The following OR2B2 variants were observed in gnomAD, a reference collection of about 807,000 sequenced individuals.
OR2B2 encodes the protein olfactory receptor 2B2.
For synonymous variants in OR2B2, 137 were observed against 150.9 expected (o/e 0.91, Z 0.67); for missense variants, 362 against 422.4 (o/e 0.86, Z 1.25).
In OR2B2 at chr6:27,911,562, C is replaced by T; in HGVS notation, c.758G>A (p.Gly253Asp). ...SHLIVVSLFY[G>D]TAISMYLQPP... The stretch of plus-strand genomic sequence containing the variant: ...TTGCAGGTACATGGAGATAGCTGTA[C>T]CATAAAAAAGTGACACCACAATTAG... Residue 253 changes from glycine to aspartate, a missense_variant, in exon 1 of 1, where the codon GGT becomes GAT. Coordinates refer to ENST00000303324, the MANE Select transcript of OR2B2 (RefSeq NM_033057.2). 2 of 1,613,854 alleles carry T rather than the reference C, an allele frequency of 1.2e-6. No homozygotes were observed. The highest frequency in any genetic ancestry group is 1.3e-5 in the African/African-American group (1 of 74,986).
At position 27,911,523 on chromosome 6, in the gene OR2B2, C is replaced by G; in HGVS notation, c.797G>C (p.Ser266Thr). 1 of 1,614,036 alleles carries G rather than the reference C, an allele frequency of 6.2e-7. No individual in the cohort carries two copies. The highest frequency in any genetic ancestry group is 8.5e-7 in the Non-Finnish European group (1 of 1,180,008). ...ISMYLQPPSP[S>T]SKDRGKMVSL... is the part of the protein sequence containing the mutation. ...AACCATCTTTCCCCGGTCTTTGGAG[C>G]TGGGTGAAGGTGGTTGCAGGTACAT... The change falls in exon 1 of 1, where the codon AGC (serine) becomes ACC (threonine). Residue 266 changes from serine to threonine, a missense_variant. Physicochemically the swap from Ser to Thr is moderately conservative, Grantham distance 58. Transcript: ENST00000303324.
At position 27,912,350 on chromosome 6, in the gene OR2B2, A is replaced by C; in HGVS notation, c.-31T>G. On this transcript the variant is annotated 5_prime_UTR_variant, in exon 1 of 1. Transcript: ENST00000303324. ...ATGGTTCAACTCTTCGTTCTCTGAA[A>C]TATAAGAAGTCAGGAAGTTAACAAC... The C allele has an allele frequency of 7.3e-7, 1 of 1,375,416 alleles. No individual in the cohort carries two copies. The highest frequency in any genetic ancestry group is 1.0e-6 in the Non-Finnish European group (1 of 1,003,350). The allele number at this position is 1,375,416 out of a possible 1,614,324, so 85.2% of individuals were successfully genotyped here.
In OR2B2 at chr6:27,912,254, C is replaced by A; in HGVS notation, c.66G>T (p.Trp22Cys). 1 of 1,613,790 alleles carries A rather than the reference C, an allele frequency of 6.2e-7. No homozygotes were observed. The highest frequency in any genetic ancestry group is 8.5e-7 in the Non-Finnish European group (1 of 1,179,850). ...ACATCACAAAGGGTGGAATCTCTAG[C>A]CATGGTTGATCTGAGAAAACTAACA... ...FILLVFSDQP[W>C]LEIPPFVMFL... Residue 22 changes from tryptophan to cysteine, a missense_variant, in exon 1 of 1, where the codon TGG (tryptophan) becomes TGT (cysteine). Coordinates refer to ENST00000303324, the MANE Select transcript of OR2B2 (RefSeq NM_033057.2).
In OR2B2 at chr6:27,911,771, A is replaced by G; in HGVS notation, c.549T>C (p.Ala183=). 1 of 1,613,988 alleles carries G rather than the reference A, an allele frequency of 6.2e-7. No homozygotes were observed. Among genetic ancestry groups the G allele is most frequent in the Non-Finnish European group, 8.5e-7 (1 of 1,179,918 alleles). ...EVDHFFCEVP[A]LLKLSCVDTT... is the part of the protein sequence containing the mutation. Reference sequence around the variant, plus strand: ...TGTCAACACAGGACAACTTGAGCAGAGCAGGGACTTCACAGAAGAAGTGAT... The same window carrying G: ...TGTCAACACAGGACAACTTGAGCAGGGCAGGGACTTCACAGAAGAAGTGAT... The change falls in exon 1 of 1, where the codon GCT becomes GCC. Residue 183 remains alanine (A), a synonymous_variant. Coordinates refer to ENST00000303324, the MANE Select transcript of OR2B2 (RefSeq NM_033057.2).
In OR2B2 at chr6:27,911,281, T is replaced by C. The variant is rs1762190696; in HGVS notation, c.1039A>G (p.Asn347Asp). 1 of 1,587,070 alleles carries C rather than the reference T, an allele frequency of 6.3e-7. No homozygotes were observed. Among genetic ancestry groups the C allele is most frequent in the African/African-American group, 1.4e-5 (1 of 73,236 alleles). The change falls in exon 1 of 1, where the codon AAC becomes GAC. Residue 347 changes from asparagine (N) to aspartate (D), a missense_variant. Coordinates refer to ENST00000303324, the MANE Select transcript of OR2B2 (RefSeq NM_033057.2). ...SCPIFVITIE[N>D]YCNLPQRKFP Reference sequence around the variant, plus strand: ...TTTCTTTGAGGGAGATTACAATAGTTTTCTATAGTAATGACAAAAATAGGA... The same window carrying C: ...TTTCTTTGAGGGAGATTACAATAGTCTTCTATAGTAATGACAAAAATAGGA...
chr6:27,912,084 G>A lies in OR2B2; in HGVS notation c.236C>T (p.Pro79Leu), dbSNP rs1370073131. 8.1e-6 allele frequency: 13 copies of A among 1,614,056 alleles called. No homozygotes were observed. The highest frequency in any genetic ancestry group is 1.1e-5 in the Non-Finnish European group (13 of 1,180,038). The part of the protein sequence containing the change: ...LDLCYTTSTV[P>L]QMLVNICNTR... Reference sequence around the variant, plus strand: ...GTTGCATATGTTTACCAGCATTTGTGGAACTGTACTTGTGGTATAGCAAAG... The same window carrying A: ...GTTGCATATGTTTACCAGCATTTGTAGAACTGTACTTGTGGTATAGCAAAG... The change falls in exon 1 of 1, where the codon CCA becomes CTA. Residue 79 changes from proline to leucine, a missense_variant. Physicochemically the swap from Pro to Leu is moderately conservative, Grantham distance 98 (BLOSUM62 -3). Coordinates refer to ENST00000303324, the MANE Select transcript of OR2B2 (RefSeq NM_033057.2).
In OR2B2 at chr6:27,911,676, A is replaced by G; in HGVS notation, c.644T>C (p.Leu215Pro). Residue 215 changes from leucine to proline, a missense_variant, in exon 1 of 1, where the codon CTT becomes CCT. By Grantham distance (98) the Leu-to-Pro change is moderately conservative (BLOSUM62 -3). Coordinates refer to ENST00000303324, the MANE Select transcript of OR2B2 (RefSeq NM_033057.2). ...TTGGACAATAAAAGCATACGATATA[A>G]GGATGAGTGTCACGGGTATTAGAAG... ...LFLLIPVTLI[L>P]ISYAFIVQAV... is the part of the protein sequence containing the mutation. The G allele has an allele frequency of 6.2e-7, 1 of 1,614,052 alleles. No individual in the cohort carries two copies. Among genetic ancestry groups the G allele is most frequent in the Non-Finnish European group, 8.5e-7 (1 of 1,179,988 alleles).
Position 27,911,880 on chromosome 6 carries a change from G to A in OR2B2, c.440C>T (p.Ala147Val). 1 of 1,614,162 alleles carries A rather than the reference G, an allele frequency of 6.2e-7. No individual in the cohort carries two copies. The highest frequency in any genetic ancestry group is 8.5e-7 in the Non-Finnish European group (1 of 1,180,008). Residue 147 changes from alanine (A) to valine (V), a missense_variant, in exon 1 of 1, where the codon GCA becomes GTA. Transcript: ENST00000303324. ...ATTGCTAAAGCCACTAATCCAGGAT[G>A]CAGCTGCCAACTGGAAGCAGAGCCT... is the stretch of plus-strand genomic sequence containing the variant. ...HQRLCFQLAAASWISGFSNSV... is the reference protein window; with the variant it reads ...HQRLCFQLAAVSWISGFSNSV...
Position 27,911,285 on chromosome 6 carries a change from T to C in OR2B2, c.1035A>G (p.Ile345Met). ...SASCPIFVIT[I>M]ENYCNLPQRK... ...TTTGAGGGAGATTACAATAGTTTTC[T>C]ATAGTAATGACAAAAATAGGACAAC... The change falls in exon 1 of 1, where the codon ATA becomes ATG. Residue 345 changes from isoleucine (I) to methionine (M), a missense_variant. By Grantham distance (10) the Ile-to-Met change is conservative (BLOSUM62 1). Transcript: ENST00000303324. The C allele has an allele frequency of 1.3e-6, 2 of 1,596,580 alleles. No homozygotes were observed. Among genetic ancestry groups the C allele is most frequent in the Non-Finnish European group, 1.7e-6 (2 of 1,174,306 alleles).
chr6:27,911,402 T>C lies in OR2B2; in HGVS notation c.918A>G (p.Ala306=). Residue 306 remains alanine, a synonymous_variant, in exon 1 of 1, where the codon GCA becomes GCG. Transcript: ENST00000303324. ...EVKEAFKRLV[A]KSLLNQEIRN... is the part of the protein sequence containing the mutation. ...TTATTTCTTGATTAAGAAGACTCTT[T>C]GCAACCAACCTTTTAAAGGCTTCCT... 1 of 1,614,164 alleles carries C rather than the reference T, an allele frequency of 6.2e-7. No homozygotes were observed. The highest frequency in any genetic ancestry group is 8.5e-7 in the Non-Finnish European group (1 of 1,180,022).
In OR2B2 at chr6:27,911,315, G is replaced by A. The variant is rs73392698; in HGVS notation, c.1005C>T (p.Ser335=). Residue 335 remains serine, a synonymous_variant, in exon 1 of 1, where the codon TCC becomes TCT. Transcript: ENST00000303324. ...DTVLTYLTNF[S]ASCPIFVITI... Reference sequence around the variant, plus strand: ...TAATGACAAAAATAGGACAACTTGCGGAGAAGTTAGTAAGGTAAGTAAGCA... The same window carrying A: ...TAATGACAAAAATAGGACAACTTGCAGAGAAGTTAGTAAGGTAAGTAAGCA... 3.5e-3 allele frequency: 5,608 copies of A among 1,608,110 alleles called. 139 individuals carry two copies. In the African/African-American group the frequency reaches 0.06, roughly 17 times the overall value.
At position 27,911,855 on chromosome 6, in the gene OR2B2, A is replaced by G; in HGVS notation, c.465T>C (p.Asn155=). 1 of 1,614,198 alleles carries G rather than the reference A, an allele frequency of 6.2e-7. No individual in the cohort carries two copies. Among genetic ancestry groups the G allele is most frequent in the Admixed American group, 1.7e-5 (1 of 60,020 alleles). ...AAASWISGFS[N]SVLQSTWTLK... ...GTGTCCAGGTGGACTGTAATACTGA[A>G]TTGCTAAAGCCACTAATCCAGGATG... The change falls in exon 1 of 1, where the codon AAT becomes AAC. Residue 155 remains asparagine (N), a synonymous_variant. Transcript: ENST00000303324.
In OR2B2 at chr6:27,911,230, C is replaced by T. The variant is rs760182947; in HGVS notation, c.*16G>A. ...AATGAAAATGTTTAGGCAACAGAAA[C>T]AAATATAGCTTTTTGTCAAGGAAAT... On this transcript the variant is annotated 3_prime_UTR_variant, in exon 1 of 1. Coordinates refer to ENST00000303324, the MANE Select transcript of OR2B2 (RefSeq NM_033057.2). 1 of 1,475,698 alleles carries T rather than the reference C, an allele frequency of 6.8e-7. No homozygotes were observed. The highest frequency in any genetic ancestry group is 9.2e-7 in the Non-Finnish European group (1 of 1,091,038). The allele number at this position is 1,475,698 out of a possible 1,614,324, so 91.4% of individuals were successfully genotyped here.
Position 27,911,928 on chromosome 6 carries a change from T to A in OR2B2, c.392A>T (p.His131Leu). 6.2e-7 allele frequency: 1 copy of A among 1,614,090 alleles called. No individual in the cohort carries two copies. The highest frequency in any genetic ancestry group is 2.2e-5 in the East Asian group (1 of 44,884). Residue 131 changes from histidine (H) to leucine (L), a missense_variant, in exon 1 of 1, where the codon CAT becomes CTT. Physicochemically the swap from His to Leu is moderately conservative, Grantham distance 99 (BLOSUM62 -3). Transcript: ENST00000303324. ...CCTCTGGTGCATGATAATTGAGTAATGGAGAGGCCGACAAATAGCTACAAA... is the reference window on the plus strand; with the variant it reads ...CCTCTGGTGCATGATAATTGAGTAAAGGAGAGGCCGACAAATAGCTACAAA... Reference protein sequence around the residue: ...DRFVAICRPLHYSIIMHQRLC... With the variant: ...DRFVAICRPLLYSIIMHQRLC...
At position 27,912,130 on chromosome 6, in the gene OR2B2, T is replaced by G. The variant is rs1269066826; in HGVS notation, c.190A>C (p.Ser64Arg). ...KLHTPMYFFL[S>R]NLSLLDLCYT... ...CAAAGGTCCAGGAGTGAGAGATTGC[T>G]AAGAAAAAAGTACATAGGGGTGTGG... Residue 64 changes from serine (S) to arginine (R), a missense_variant, in exon 1 of 1, where the codon AGC (serine) becomes CGC (arginine). Transcript: ENST00000303324. The G allele has an allele frequency of 1.2e-6, 2 of 1,614,012 alleles. No individual in the cohort carries two copies.
Position 27,912,256 on chromosome 6 carries a change from A to G in OR2B2, c.64T>C (p.Trp22Arg), listed in dbSNP as rs2113602980. 6.2e-7 allele frequency: 1 copy of G among 1,613,866 alleles called. No homozygotes were observed. The highest frequency in any genetic ancestry group is 8.5e-7 in the Non-Finnish European group (1 of 1,179,844). Residue 22 changes from tryptophan (W) to arginine (R), a missense_variant, in exon 1 of 1, where the codon TGG becomes CGG. Physicochemically the swap from Trp to Arg is moderately radical, Grantham distance 101. Coordinates refer to ENST00000303324, the MANE Select transcript of OR2B2 (RefSeq NM_033057.2). ...ATCACAAAGGGTGGAATCTCTAGCCATGGTTGATCTGAGAAAACTAACAGA... is the reference window on the plus strand; with the variant it reads ...ATCACAAAGGGTGGAATCTCTAGCCGTGGTTGATCTGAGAAAACTAACAGA... The part of the protein sequence containing the change: ...FILLVFSDQP[W>R]LEIPPFVMFL...
In OR2B2 at chr6:27,911,784, C is replaced by T; in HGVS notation, c.536G>A (p.Cys179Tyr). The T allele has an allele frequency of 1.2e-6, 2 of 1,613,990 alleles. No homozygotes were observed. The highest frequency in any genetic ancestry group is 1.7e-6 in the Non-Finnish European group (2 of 1,179,946). ...CAACTTGAGCAGAGCAGGGACTTCA[C>T]AGAAGAAGTGATCCACTTCTTTGTG... ...CGHKEVDHFF[C>Y]EVPALLKLSC... The change falls in exon 1 of 1, where the codon TGT (cysteine) becomes TAT (tyrosine). Residue 179 changes from cysteine (C) to tyrosine (Y), a missense_variant. Cys to Tyr is a radical substitution (Grantham distance 194). Transcript: ENST00000303324.
At position 27,912,094 on chromosome 6, in the gene OR2B2, T is replaced by C. The variant is rs141850575; in HGVS notation, c.226A>G (p.Ser76Gly). The C allele has an allele frequency of 2.3e-5, 37 of 1,614,218 alleles. No homozygotes were observed. The African/African-American group carries it at 4.0e-4, about 17-fold the overall frequency. ...LSLLDLCYTTSTVPQMLVNIC... is the reference protein window; with the variant it reads ...LSLLDLCYTTGTVPQMLVNIC... ...TTTACCAGCATTTGTGGAACTGTAC[T>C]TGTGGTATAGCAAAGGTCCAGGAGT... The change falls in exon 1 of 1, where the codon AGT becomes GGT. Residue 76 changes from serine (S) to glycine (G), a missense_variant. Transcript: ENST00000303324.
chr6:27,912,386 A>AT lies in OR2B2; in HGVS notation c.-68dup. 2 of 937,648 alleles carry AT rather than the reference A, an allele frequency of 2.1e-6. No homozygotes were observed. The allele number at this position is 937,648 out of a possible 1,614,324, so 58.1% of individuals were successfully genotyped here. A position where few individuals can be genotyped will look rare whatever the true frequency, so the allele number is the denominator to read the frequency against. ...CAGGAAGTTAACAACACACTTCCTG[A>AT]TTTTGTCAGCTATAATCATTTTGCT... On this transcript the variant is annotated 5_prime_UTR_variant, in exon 1 of 1. Transcript: ENST00000303324.
Sources: allele counts gnomAD v4.1 joint callset, GRCh38; gene constraint gnomAD v4.1.1; transcripts MANE v1.5; gene names NCBI Gene and HGNC (gene_info 2026-07-23, HGNC 2026-07-21).